SECISBP2L: variants seen among roughly 807,000 people sequenced by gnomAD.
SECISBP2L encodes the protein selenocysteine insertion sequence-binding protein 2-like.
Under a neutral mutation model 114.7 loss-of-function variants are expected in SECISBP2L, and 43 were observed. That is an observed-to-expected ratio of 0.38 (90% CI 0.29 to 0.48). SECISBP2L has a LOEUF of 0.48. SECISBP2L is among the 20% of genes least tolerant of loss of function. The pLI is 0.98. For missense variants in SECISBP2L, 1,136 were observed against 1,301.1 expected (o/e 0.87, Z 1.95); for synonymous variants, 451 against 439.7 (o/e 1.03, Z -0.32).
rs2141084748 is a variant in SECISBP2L, at chr15:49,035,536, T to C, written c.326A>G (p.Tyr109Cys). Residue 109 changes from tyrosine to cysteine, a missense_variant, in exon 3 of 18, where the codon TAT becomes TGT. Physicochemically the swap from Tyr to Cys is radical, Grantham distance 194 (BLOSUM62 -2). Coordinates refer to ENST00000559471, the MANE Select transcript of SECISBP2L (RefSeq NM_001193489.2). ...GGCACATGGTGCTGGCATCAGCTGA[T>C]AATATGTATACTCTGTAGAAACAGG... ...QPPVSTEYTYYQLMPAPCAQV... is the reference protein window; with the variant it reads ...QPPVSTEYTYCQLMPAPCAQV... 6.2e-7 allele frequency: 1 copy of C among 1,614,194 alleles called. No homozygotes were observed. The highest frequency in any genetic ancestry group is 8.5e-7 in the Non-Finnish European group (1 of 1,180,020).
At chr15:49,039,079 G>C (rs1903068352) in intron 1 of SECISBP2L, among the ~76,000 whole-genome samples, 2 of 152,158 alleles carry the variant, frequency 1.3e-5, no homozygotes, top group South Asian at 4.1e-4. Context: ...CTTGTTAAAA[G>C]GGAAGGGGTG....
chr15:48,992,683 T>G lies in SECISBP2L; in HGVS notation c.2867A>C (p.Gln956Pro), dbSNP rs1411264118. ...CAAAGAGCCAGTCTCTGTACTCTGCTGTGAGGCCCATTCCAGGTCATCTGG... is the reference window on the plus strand; with the variant it reads ...CAAAGAGCCAGTCTCTGTACTCTGCGGTGAGGCCCATTCCAGGTCATCTGG... The part of the protein sequence containing the change: ...VKPDDLEWAS[Q>P]QSTETGSLDG... The change falls in exon 18 of 18, where the codon CAG becomes CCG. Residue 956 changes from glutamine (Q) to proline (P), a missense_variant. Physicochemically the swap from Gln to Pro is moderately conservative, Grantham distance 76. Transcript: ENST00000559471. 1 of 1,614,108 alleles carries G rather than the reference T, an allele frequency of 6.2e-7. No homozygotes were observed. Among genetic ancestry groups the G allele is most frequent in the Non-Finnish European group, 8.5e-7 (1 of 1,180,040 alleles).
In SECISBP2L at chr15:49,032,069, C is replaced by T. The variant is rs553731784; in HGVS notation, c.664+896G>A. Among the ~76,000 whole-genome samples the T allele has an allele frequency of 7.2e-4, 109 of 152,254 alleles. 3 individuals are homozygous for T. In the South Asian group the frequency reaches 0.022, roughly 30 times the overall value. On this transcript the variant is annotated intron_variant, in intron 4 of 17. Transcript: ENST00000559471. ...TGATTTTCAGATCCTTTCTCTGCTC[C>T]TAATGGATCTAAGCAACCGTAAAAA...
intron 3 of SECISBP2L, among the ~76,000 whole-genome samples, chr15:49,034,564 A>T (rs1902964590): frequency 6.6e-6 from 1 of 152,078 alleles, no homozygotes; most frequent in Non-Finnish European, 1.5e-5. Context: ...TCCTACTAAA[A>T]ATTCACAGAG....
intron 1 of SECISBP2L, among the ~76,000 whole-genome samples, chr15:49,043,039 C>T (rs972253081): frequency 1.2e-4 from 19 of 152,128 alleles, no homozygotes; most frequent in Non-Finnish European, 2.8e-4. Flanking sequence ...AAAGAAAAAA[C>T]AGAAAATGTC....
At chr15:49,045,965 A>G (rs559366218) in intron 1 of SECISBP2L, among the ~76,000 whole-genome samples, 12 of 152,294 alleles carry the variant, frequency 7.9e-5, no homozygotes, top group African/African-American at 2.9e-4. Flanking sequence ...CGGGGAGACT[A>G]CTAGAAGTTA....
intron 1 of SECISBP2L, among the ~76,000 whole-genome samples, chr15:49,041,751 C>G (rs775530885): frequency 6.6e-6 from 1 of 152,142 alleles, no homozygotes; most frequent in Non-Finnish European, 1.5e-5. Flanking sequence ...AAAATATGAC[C>G]ATGGAAACCC....
At chr15:49,005,569 T>G in intron 14 of SECISBP2L, among the ~76,000 whole-genome samples, 1 of 134,838 alleles carries the variant, frequency 7.4e-6, no homozygotes, top group Non-Finnish European at 1.6e-5. Flanking sequence ...GCTTTTTTTT[T>G]TTTTTTTTTT....
intron 7 of SECISBP2L, 110 bp downstream of exon 7, chr15:49,027,255 G>T: frequency 1.5e-6 from 1 of 665,560 alleles, no homozygotes; most frequent in Non-Finnish European, 2.5e-6. Context: ...ACACATGATA[G>T]TTCACTTCCA....
At chr15:49,016,780 T>C (rs1902545411) in intron 10 of SECISBP2L, 68 bp downstream of exon 10, 1 of 1,547,532 alleles carries the variant, frequency 6.5e-7, no homozygotes, top group Non-Finnish European at 8.7e-7. Context: ...CATTTATCAC[T>C]CCTTCTATCT....
In SECISBP2L at chr15:49,041,127, TA is replaced by T. The variant is rs1470134582; in HGVS notation, c.25-3359del. 1.3e-5 allele frequency among the ~76,000 whole-genome samples: 2 copies of T among 152,216 alleles called. 1 individual carries two copies. The highest frequency in any genetic ancestry group is 2.9e-5 in the Non-Finnish European group (2 of 68,032). ...CTTCATAAAGGAAATAAATATGGAA[TA>T]AATGTAAACTACACTTAACAAAGTC... On this transcript the variant is annotated intron_variant, in intron 1 of 17. Coordinates refer to ENST00000559471, the MANE Select transcript of SECISBP2L (RefSeq NM_001193489.2).
In SECISBP2L at chr15:49,044,439, A is replaced by G. The variant is rs548036037; in HGVS notation, c.24+1837T>C. Among the ~76,000 whole-genome samples the G allele has an allele frequency of 2.0e-5, 3 of 152,164 alleles. No homozygotes were observed. The South Asian group carries it at 6.2e-4, about 31-fold the overall frequency. On this transcript the variant is annotated intron_variant, in intron 1 of 17. Transcript: ENST00000559471. The stretch of plus-strand genomic sequence containing the variant: ...ATTCTTGCCCTAGAAAAAGGCATAT[A>G]AAGAAGCATACTCCTTCTAGGTCAT...
Position 48,996,504 on chromosome 15 carries a change from T to C in SECISBP2L, c.2486A>G (p.Gln829Arg). 4.3e-6 allele frequency: 7 copies of C among 1,614,192 alleles called. No individual in the cohort carries two copies. The highest frequency in any genetic ancestry group is 5.9e-6 in the Non-Finnish European group (7 of 1,180,020). The stretch of plus-strand genomic sequence containing the variant: ...CACATTCTTTAAGGCTTCCTCAGCC[T>C]GCTCCTGTTCCATTGCTGCAACCAT... The part of the protein sequence containing the change: ...KDMVAAMEQE[Q>R]AEEALKNVKK... The change falls in exon 17 of 18, where the codon CAG becomes CGG. Residue 829 changes from glutamine (Q) to arginine (R), a missense_variant. Physicochemically the swap from Gln to Arg is conservative, Grantham distance 43. Transcript: ENST00000559471.
chr15:48,997,342 T>C (rs1286549317), intron 16 of SECISBP2L, among the ~76,000 whole-genome samples: 1 of 152,172 alleles, frequency 6.6e-6, no homozygotes, highest in Admixed American at 6.5e-5. Flanking sequence ...TTGGAATAAC[T>C]AGACGAAGAC....
At chr15:49,006,089 G>A (rs1259141687) in intron 14 of SECISBP2L, among the ~76,000 whole-genome samples, 1 of 152,166 alleles carries the variant, frequency 6.6e-6, no homozygotes, top group Non-Finnish European at 1.5e-5. Flanking sequence ...ACTCTCTTCT[G>A]GCTTGTAGGG....
Position 49,001,034 on chromosome 15 carries a change from A to G in SECISBP2L, c.2091T>C (p.Leu697=), listed in dbSNP as rs1037943128. The G allele has an allele frequency of 1.2e-6, 2 of 1,613,646 alleles. No homozygotes were observed. Among genetic ancestry groups the G allele is most frequent in the African/African-American group, 2.7e-5 (2 of 74,870 alleles). ...GGTAGATGCGTTCCTGGAAACTGAC[A>G]AGCTCTTGGAGAAGAAGAGTCACAC... The part of the protein sequence containing the change: ...DECVTLLLQE[L]VSFQERIYQK... Residue 697 remains leucine (L), a synonymous_variant, in exon 15 of 18, where the codon CTT becomes CTC. Transcript: ENST00000559471.
intron 17 of SECISBP2L, chr15:48,996,078 T>C (rs1266181842): frequency 3.2e-6 from 1 of 311,314 alleles, no homozygotes. Context: ...TAAAACTTCC[T>C]AATGTTTAGT....
intron 4 of SECISBP2L, among the ~76,000 whole-genome samples, chr15:49,030,217 A>G (rs1006613314): frequency 2.0e-5 from 3 of 152,190 alleles, no homozygotes; most frequent in Admixed American, 6.5e-5. Context: ...AGATGACTCC[A>G]TATTATTCCA....
intron 15 of SECISBP2L, 66 bp from the exon 16 acceptor site, chr15:49,000,053 T>A (rs1316817474): frequency 3.9e-6 from 6 of 1,544,888 alleles, no homozygotes; most frequent in Non-Finnish European, 4.4e-6. Context: ...GCACACCCGA[T>A]AGCTAAAGCA....
Sources: gnomAD v4.1 joint callset for allele counts (sites outside exome capture counted in the v4.1 genomes callset) on GRCh38, gnomAD v4.1.1 for gene constraint, MANE v1.5 for transcripts, NCBI Gene and HGNC (gene_info 2026-07-23, HGNC 2026-07-21) for gene names.